Variants in TIAM2 observed in about 807,000 individuals in gnomAD.
The protein encoded by TIAM2 is rho guanine nucleotide exchange factor TIAM2.
A neutral mutation model predicts 152.9 loss-of-function variants in TIAM2; 80 were observed. The ratio of observed to expected loss-of-function variants is 0.52; its 90% confidence interval spans 0.44 to 0.63. The LOEUF is 0.63. Ranked by LOEUF, TIAM2 falls within the 30% of genes least tolerant of loss-of-function variation. The probability of loss-of-function intolerance (pLI) is 0.00; values close to 1 mark genes in which losing one functional copy is unlikely to be tolerated. For missense variants in TIAM2, 1,965 were observed against 2,120.1 expected (o/e 0.93, Z 1.44); for synonymous variants, 804 against 838.0 (o/e 0.96, Z 0.70).
At chr6:155,200,210 A>G (rs13192147) in intron 14 of TIAM2, among the ~76,000 whole-genome samples, 8 of 152,230 alleles carry the variant, frequency 5.3e-5, no homozygotes, top group Non-Finnish European at 1.2e-4. Flanking sequence ...ACTGATGATC[A>G]GAAAGGTCTT....
chr6:155,157,961 C>T (rs552932846), intron 7 of TIAM2, among the ~76,000 whole-genome samples: 10 of 152,172 alleles, frequency 6.6e-5, no homozygotes, highest in South Asian at 2.1e-4. Context: ...AGAACAAAAC[C>T]GAATCTCTCT....
intron 14 of TIAM2, among the ~76,000 whole-genome samples, chr6:155,184,949 A>G (rs1339032879): frequency 6.6e-6 from 1 of 152,146 alleles, no homozygotes; most frequent in African/African-American, 2.4e-5. Flanking sequence ...AGTATTCCAT[A>G]TAATACATAC....
intron 1 of TIAM2, among the ~76,000 whole-genome samples, chr6:155,021,319 T>C (rs1411553015): frequency 6.6e-6 from 1 of 152,166 alleles, no homozygotes; most frequent in Non-Finnish European, 1.5e-5. Context: ...TGGAGTGCAA[T>C]GGTACGATCT....
Position 155,214,841 on chromosome 6 carries a change from A to G in TIAM2, c.3168+3534A>G, listed in dbSNP as rs1020827395. Among the ~76,000 whole-genome samples, 1 of 152,164 alleles carries G rather than the reference A, an allele frequency of 6.6e-6. No individual in the cohort carries two copies. Among genetic ancestry groups the G allele is most frequent in the South Asian group, 2.1e-4 (1 of 4,818 alleles). On this transcript the variant is annotated intron_variant, in intron 15 of 26. Coordinates refer to ENST00000682666, the MANE Select transcript of TIAM2 (RefSeq NM_012454.4). The surrounding 1 kb of genome is among the most constrained non-coding windows in gnomAD (Gnocchi z 5.4). ...AATACAATAGATATGGGGTCTCACT[A>G]TGTTGCTGAGGCTGGTCTCAAACTC... is the stretch of plus-strand genomic sequence containing the variant.
intron 20 of TIAM2, among the ~76,000 whole-genome samples, chr6:155,249,305 A>G (rs1783515623): frequency 6.6e-6 from 1 of 152,210 alleles, no homozygotes. Flanking sequence ...TCAGTCAGTC[A>G]TGTACTGGGG....
At chr6:155,183,190 A>C in intron 13 of TIAM2, 47 bp from the exon 14 acceptor site, 1 of 1,578,850 alleles carries the variant, frequency 6.3e-7, no homozygotes, top group Non-Finnish European at 8.6e-7. Context: ...AATATTTCTC[A>C]CAGTAATCCC....
At chr6:155,163,273 A>G (rs1251591649) in intron 7 of TIAM2, among the ~76,000 whole-genome samples, 2 of 152,130 alleles carry the variant, frequency 1.3e-5, no homozygotes, top group Admixed American at 6.5e-5. Context: ...GAGTGTTGAG[A>G]TTGCGCTCAA....
intron 14 of TIAM2, among the ~76,000 whole-genome samples, chr6:155,203,122 CTG>C (rs1010980901): frequency 6.8e-6 from 1 of 147,772 alleles, no homozygotes; most frequent in Non-Finnish European, 1.5e-5. Flanking sequence ...GCTGTTTGTA[CTG>C]TGAGAACTGG....
At chr6:155,112,714 G>A (rs544684391) in intron 2 of TIAM2, among the ~76,000 whole-genome samples, 22 of 152,126 alleles carry the variant, frequency 1.4e-4, no homozygotes, top group South Asian at 1.0e-3. Flanking sequence ...CATCTTGCCC[G>A]CGGAAGCCTG....
chr6:155,059,668 C>T (rs1438876731), intron 1 of TIAM2, among the ~76,000 whole-genome samples: 1 of 152,058 alleles, frequency 6.6e-6, no homozygotes, highest in South Asian at 2.1e-4. Flanking sequence ...GGATTTTGGA[C>T]AGAATATCAT....
At chr6:155,234,153 T>C (rs1308874585) in intron 15 of TIAM2, among the ~76,000 whole-genome samples, 4 of 152,194 alleles carry the variant, frequency 2.6e-5, no homozygotes, top group Non-Finnish European at 5.9e-5. Context: ...GACCCAAGTT[T>C]GTAGCATTGA....
At chr6:155,019,769 TA>T (rs1051961388) in intron 1 of TIAM2, among the ~76,000 whole-genome samples, 1 of 152,056 alleles carries the variant, frequency 6.6e-6, no homozygotes, top group Non-Finnish European at 1.5e-5. Context: ...AAAAGGCAGC[TA>T]GGGGCCGGGC....
intron 15 of TIAM2, among the ~76,000 whole-genome samples, chr6:155,236,077 C>T (rs574452887): frequency 5.2e-4 from 79 of 152,124 alleles, no homozygotes; most frequent in Non-Finnish European, 9.6e-4. Flanking sequence ...AATCCCAGTA[C>T]AGAGATTTCA....
intron 2 of TIAM2, among the ~76,000 whole-genome samples, chr6:155,097,358 T>C (rs1220893769): frequency 6.6e-5 from 10 of 152,154 alleles, no homozygotes; most frequent in Admixed American, 6.6e-5. Flanking sequence ...TTTTATTTTT[T>C]TGAAACAGGG....
At chr6:155,119,195 C>T (rs775719025) in intron 2 of TIAM2, among the ~76,000 whole-genome samples, 8 of 151,858 alleles carry the variant, frequency 5.3e-5, no homozygotes, top group Non-Finnish European at 7.4e-5. Flanking sequence ...CCACCACGCC[C>T]GGCTAATTTT....
chr6:155,161,422 C>G (rs1162363919), intron 7 of TIAM2, among the ~76,000 whole-genome samples: 2 of 151,976 alleles, frequency 1.3e-5, no homozygotes, highest in African/African-American at 2.4e-5. Context: ...CCTCTCAGTA[C>G]TGCTTTGATG....
chr6:155,143,002 G>A (rs1472906880), intron 5 of TIAM2, among the ~76,000 whole-genome samples: 3 of 152,332 alleles, frequency 2.0e-5, no homozygotes, highest in East Asian at 3.9e-4. Flanking sequence ...GAACTTTTAT[G>A]AATGAGGATG....
Position 155,172,937 on chromosome 6 carries a change from T to C in TIAM2, c.2362-3879T>C, listed in dbSNP as rs1482742658. ...AAAGAATATTGGAGAATATTTCATCTGGCTTCCTGAAACTAAAGCATGTGT... is the reference window on the plus strand; with the variant it reads ...AAAGAATATTGGAGAATATTTCATCCGGCTTCCTGAAACTAAAGCATGTGT... On this transcript the variant is annotated intron_variant, in intron 9 of 26. Transcript: ENST00000682666. Among the ~76,000 whole-genome samples, 5 of 151,934 alleles carry C rather than the reference T, an allele frequency of 3.3e-5. No individual in the cohort carries two copies. The East Asian group carries it at 9.7e-4, about 29-fold the overall frequency.
chr6:155,247,930 T>G (rs1783429226), intron 19 of TIAM2, 70 bp from the exon 20 acceptor site: 1 of 1,521,682 alleles, frequency 6.6e-7, no homozygotes, highest in Admixed American at 2.0e-5. Context: ...CTATAAATGT[T>G]AAAAGAGAAA....
Sources: allele counts gnomAD v4.1 joint callset (sites outside exome capture counted in the v4.1 genomes callset), GRCh38; gene constraint gnomAD v4.1.1; non-coding constraint Gnocchi (gnomAD v3.1); transcripts MANE v1.5; gene names NCBI Gene and HGNC (gene_info 2026-07-23, HGNC 2026-07-21).